The following VWC2 variants were observed in gnomAD, a reference collection of about 807,000 sequenced individuals.
VWC2 encodes brorin.
In VWC2, 14 loss-of-function variants were observed where a neutral mutation model predicts 29.8. The ratio of observed to expected loss-of-function variants is 0.47; its 90% CI spans 0.31 to 0.74. VWC2 has a LOEUF of 0.74. VWC2 is among the 30% of genes least tolerant of loss of function. The probability of loss-of-function intolerance (pLI) is 0.05; values close to 1 mark genes in which losing one functional copy is unlikely to be tolerated. For missense variants in VWC2, 457 were observed against 459.8 expected (o/e 0.99, Z 0.05); for synonymous variants, 213 against 199.0 (o/e 1.07, Z -0.59).
intron 3 of VWC2, among the ~76,000 whole-genome samples, chr7:49,814,816 G>A (rs756721506): frequency 1.4e-4 from 22 of 152,228 alleles, no homozygotes; most frequent in East Asian, 5.8e-4. Flanking sequence ...CAGCCCTGGC[G>A]TCACTTCCCC....
intron 3 of VWC2, among the ~76,000 whole-genome samples, chr7:49,891,536 C>T (rs1320167145): frequency 2.0e-5 from 3 of 152,104 alleles, no homozygotes; most frequent in African/African-American, 7.2e-5. Context: ...TCCAAACAAT[C>T]AGTCATCAAG....
chr7:49,776,083 C>T lies in VWC2; in HGVS notation c.648C>T (p.Asn216=). 6.4e-7 allele frequency: 1 copy of T among 1,553,800 alleles called. No homozygotes were observed. The highest frequency in any genetic ancestry group is 8.7e-7 in the Non-Finnish European group (1 of 1,155,654). The change falls in exon 2 of 4, where the codon AAC becomes AAT. Residue 216 remains asparagine, a synonymous_variant. Transcript: ENST00000340652. ...QCCPQCKERK[N]YCEFRGKTYQ... The stretch of plus-strand genomic sequence containing the variant: ...GCCCGCAGTGCAAGGAGAGGAAGAA[C>T]TACTGCGAGTTCCGGGGCAAGACCT...
In VWC2 at chr7:49,871,934, CACACACACA is replaced by C. The variant is rs1313103155; in HGVS notation, c.827-40099_827-40091del. Among the ~76,000 whole-genome samples, 35 of 135,686 alleles carry C rather than the reference CACACACACA, an allele frequency of 2.6e-4. 2 individuals are homozygous for C. In the East Asian group the frequency reaches 7.2e-3, roughly 28 times the overall value. 89.0% of individuals were successfully genotyped at this position (135,686 alleles called of 152,430 possible). A position where few individuals can be genotyped will look rare whatever the true frequency, so the allele number is the denominator to read the frequency against. On this transcript the variant is annotated intron_variant, in intron 3 of 3. Transcript: ENST00000340652. ...ACACACACACACACACACACACACA[CACACACACA>C]CACACACACACACACCGAGAAAGAG...
intron 2 of VWC2, among the ~76,000 whole-genome samples, chr7:49,788,985 G>A (rs1198427286): frequency 6.7e-6 from 1 of 149,964 alleles, no homozygotes. Context: ...GAGCATGTGT[G>A]TGTGAGGTGT....
intron 3 of VWC2, among the ~76,000 whole-genome samples, chr7:49,822,964 A>T (rs1789298609): frequency 1.3e-5 from 2 of 152,290 alleles, no homozygotes; most frequent in African/African-American, 2.4e-5. Flanking sequence ...TGCTCCTGTG[A>T]GCTTTCATGG....
chr7:49,906,986 C>T (rs1380020663), intron 3 of VWC2, among the ~76,000 whole-genome samples: 1 of 152,054 alleles, frequency 6.6e-6, no homozygotes, highest in Non-Finnish European at 1.5e-5. Flanking sequence ...GGACCAGTTT[C>T]AAGTGACCCA....
intron 3 of VWC2, among the ~76,000 whole-genome samples, chr7:49,890,046 G>C (rs760828510): frequency 7.2e-6 from 1 of 138,830 alleles, no homozygotes; most frequent in Non-Finnish European, 1.5e-5. Context: ...GAACACCAAG[G>C]CCTAATATTT....
At chr7:49,791,702 C>G (rs1257997217) in intron 2 of VWC2, among the ~76,000 whole-genome samples, 1 of 152,214 alleles carries the variant, frequency 6.6e-6, no homozygotes, top group Non-Finnish European at 1.5e-5. Flanking sequence ...CATCTGACCC[C>G]TTGGCTTTGC....
chr7:49,793,883 T>G (rs1295715859), intron 2 of VWC2, among the ~76,000 whole-genome samples: 4 of 152,184 alleles, frequency 2.6e-5, no homozygotes, highest in African/African-American at 9.7e-5. Context: ...GGACAACACA[T>G]TGCTGGTAGA....
At chr7:49,901,334 A>C (rs763014520) in intron 3 of VWC2, 4 of 151,998 alleles carry the variant, frequency 2.6e-5, no homozygotes, top group Middle Eastern at 3.4e-3. Flanking sequence ...AATCAAGAAA[A>C]AAAACTTCAG....
chr7:49,866,394 G>C (rs902849457), intron 3 of VWC2, among the ~76,000 whole-genome samples: 14 of 152,160 alleles, frequency 9.2e-5, no homozygotes, highest in Admixed American at 9.2e-4. Flanking sequence ...AACTAATGCT[G>C]CAGGCTCACT....
At chr7:49,797,427 A>T (rs2128704946) in intron 2 of VWC2, among the ~76,000 whole-genome samples, 1 of 152,368 alleles carries the variant, frequency 6.6e-6, no homozygotes, top group South Asian at 2.1e-4. Context: ...ATTCACAAAC[A>T]TAATTATTCT....
At chr7:49,784,799 C>T (rs1788257272) in intron 2 of VWC2, among the ~76,000 whole-genome samples, 1 of 152,134 alleles carries the variant, frequency 6.6e-6, no homozygotes, top group African/African-American at 2.4e-5. Flanking sequence ...CTGATCTAAA[C>T]AAACACACAC....
intron 3 of VWC2, among the ~76,000 whole-genome samples, chr7:49,877,805 A>T (rs188230660): frequency 6.6e-6 from 1 of 151,750 alleles, no homozygotes; most frequent in Non-Finnish European, 1.5e-5. Flanking sequence ...ATTATTTGAA[A>T]TAAGGAGTAG....
In VWC2 at chr7:49,912,568, T is replaced by C. The variant is rs1426089013; in HGVS notation, c.*383T>C. On this transcript the variant is annotated 3_prime_UTR_variant, in exon 4 of 4. Coordinates refer to ENST00000340652, the MANE Select transcript of VWC2 (RefSeq NM_198570.5). The stretch of plus-strand genomic sequence containing the variant: ...CTCACCGTGTACCTGCATATCTTTT[T>C]CAGTTCTGATTCCATCACCCAGGAA... The C allele has an allele frequency of 6.2e-6, 1 of 161,876 alleles. No homozygotes were observed. Among genetic ancestry groups the C allele is most frequent in the Non-Finnish European group, 1.4e-5 (1 of 73,774 alleles). 10.0% of individuals were successfully genotyped at this position (161,876 alleles called of 1,614,324 possible).
chr7:49,847,010 C>CT (rs2128715090), intron 3 of VWC2, among the ~76,000 whole-genome samples: 2 of 152,292 alleles, frequency 1.3e-5, no homozygotes, highest in African/African-American at 4.8e-5. Flanking sequence ...GAATTTAACT[C>CT]TAACTTGCAG....
At position 49,775,782 on chromosome 7, in the gene VWC2, A is replaced by ATCTG. The variant is rs1788038995; in HGVS notation, c.347_348insTCTG (p.Thr117LeufsTer127). ...GATCTGCAGGTCCGGCCCCGCGGGG[A>ATCTG]CACCCCGCAGGCGGAAGCCCTGGCC... On this transcript the variant is annotated frameshift_variant, in exon 2 of 4. Coordinates refer to ENST00000340652, the MANE Select transcript of VWC2 (RefSeq NM_198570.5). LOFTEE classifies it high-confidence loss of function. 6.6e-7 allele frequency: 1 copy of ATCTG among 1,522,426 alleles called. No homozygotes were observed. The highest frequency in any genetic ancestry group is 1.2e-5 in the South Asian group (1 of 80,196). The allele number at this position is 1,522,426 out of a possible 1,614,324, so 94.3% of individuals were successfully genotyped here.
At chr7:49,838,652 T>C (rs1336040807) in intron 3 of VWC2, among the ~76,000 whole-genome samples, 1 of 151,946 alleles carries the variant, frequency 6.6e-6, no homozygotes, top group African/African-American at 2.4e-5. Flanking sequence ...ACAAGCAGTG[T>C]TTTGAGGGAA....
At chr7:49,783,712 C>T (rs1329819715) in intron 2 of VWC2, among the ~76,000 whole-genome samples, 1 of 152,280 alleles carries the variant, frequency 6.6e-6, no homozygotes, top group South Asian at 2.1e-4. Flanking sequence ...CCTGTGAGTT[C>T]TCTCAGAAGC....
Sources: allele counts gnomAD v4.1 joint callset (sites outside exome capture counted in the v4.1 genomes callset), GRCh38; gene constraint gnomAD v4.1.1; transcripts MANE v1.5; gene names NCBI Gene and HGNC (gene_info 2026-07-23, HGNC 2026-07-21).